TRAPPC9: variants seen among roughly 807,000 people sequenced by gnomAD.
The protein encoded by TRAPPC9 is IKK2 binding protein.
Under a neutral mutation model 124.0 loss-of-function variants are expected in TRAPPC9, and 83 were observed. The ratio of observed to expected loss-of-function variants is 0.67; its 90% CI spans 0.56 to 0.80. TRAPPC9 has a LOEUF of 0.80. Ranked by LOEUF, TRAPPC9 falls within the 30% of genes least tolerant of loss-of-function variation. The pLI is 0.00. For missense variants in TRAPPC9, 1,302 were observed against 1,508.3 expected (o/e 0.86, Z 2.27); for synonymous variants, 638 against 617.5 (o/e 1.03, Z -0.49).
intron 17 of TRAPPC9, among the ~76,000 whole-genome samples, chr8:140,124,508 A>C (rs900835344): frequency 3.3e-5 from 5 of 152,240 alleles, no homozygotes; most frequent in Non-Finnish European, 7.3e-5. Context: ...ACGTCAGGTC[A>C]CATGTACACA....
At chr8:140,260,545 T>C (rs1022014017) in intron 15 of TRAPPC9, among the ~76,000 whole-genome samples, 3 of 152,168 alleles carry the variant, frequency 2.0e-5, no homozygotes, top group African/African-American at 7.2e-5. Flanking sequence ...AAACCACTAG[T>C]GCAAACTAAT....
At chr8:140,141,801 C>T (rs900910695) in intron 17 of TRAPPC9, among the ~76,000 whole-genome samples, 1 of 152,208 alleles carries the variant, frequency 6.6e-6, no homozygotes, top group Non-Finnish European at 1.5e-5. Flanking sequence ...GCAGTGGCTA[C>T]CTAGCTACCT....
chr8:140,322,772 G>A (rs2066629584), intron 9 of TRAPPC9, among the ~76,000 whole-genome samples: 1 of 152,144 alleles, frequency 6.6e-6, no homozygotes, highest in African/African-American at 2.4e-5. Flanking sequence ...GGAGTTCAAG[G>A]CTGCAGTGAG....
chr8:139,869,024 G>A (rs1828727822), intron 21 of TRAPPC9, among the ~76,000 whole-genome samples: 1 of 152,116 alleles, frequency 6.6e-6, no homozygotes, highest in Non-Finnish European at 1.5e-5. Context: ...CCAAGAAAAA[G>A]CAGATCACAA....
chr8:140,018,662 C>T (rs1587505644), intron 18 of TRAPPC9, among the ~76,000 whole-genome samples: 1 of 152,096 alleles, frequency 6.6e-6, no homozygotes, highest in East Asian at 1.9e-4. Flanking sequence ...TGGCATCCTG[C>T]AATCTTGCTA....
intron 13 of TRAPPC9, among the ~76,000 whole-genome samples, chr8:140,286,365 G>A (rs772257359): frequency 3.1e-4 from 47 of 152,214 alleles, no homozygotes; most frequent in Non-Finnish European, 4.0e-4. Context: ...GAGGCTCCCA[G>A]TTGAGAGATG....
chr8:140,012,106 G>A (rs930402062), intron 18 of TRAPPC9, among the ~76,000 whole-genome samples: 14 of 152,178 alleles, frequency 9.2e-5, no homozygotes, highest in African/African-American at 1.2e-4. Flanking sequence ...CACCGCGCCC[G>A]GCCAGGCATA....
At chr8:139,747,108 T>A (rs1586751347) in intron 21 of TRAPPC9, among the ~76,000 whole-genome samples, 1 of 152,164 alleles carries the variant, frequency 6.6e-6, no homozygotes, top group Non-Finnish European at 1.5e-5. Flanking sequence ...CCAAGCAATG[T>A]CTCTACCTTT....
At chr8:140,306,345 T>C (rs2066134270) in intron 10 of TRAPPC9, among the ~76,000 whole-genome samples, 1 of 151,728 alleles carries the variant, frequency 6.6e-6, no homozygotes, top group South Asian at 2.1e-4. Context: ...AATACAAAAA[T>C]TAGCCAGGCA....
chr8:140,451,991 C>T (rs972439083), intron 1 of TRAPPC9, among the ~76,000 whole-genome samples: 2 of 151,676 alleles, frequency 1.3e-5, no homozygotes, highest in Admixed American at 6.6e-5. Context: ...TGTGGTGGCA[C>T]GTGCCTGTAA....
At chr8:139,966,195 A>G (rs1835696035) in intron 19 of TRAPPC9, among the ~76,000 whole-genome samples, 1 of 152,164 alleles carries the variant, frequency 6.6e-6, no homozygotes, top group African/African-American at 2.4e-5. Context: ...GGAGGTGGAG[A>G]TGGGGCACAG....
At chr8:140,290,932 C>A (rs2065635663) in intron 12 of TRAPPC9, 61 bp downstream of exon 12, 2 of 1,368,904 alleles carry the variant, frequency 1.5e-6, no homozygotes, top group Non-Finnish European at 2.1e-6. Context: ...TTAAGTAAAA[C>A]CTACTTTAAT....
At chr8:140,342,614 G>A (rs1214351340) in intron 9 of TRAPPC9, among the ~76,000 whole-genome samples, 1 of 152,054 alleles carries the variant, frequency 6.6e-6, no homozygotes, top group Non-Finnish European at 1.5e-5. Context: ...CTCCCACTGG[G>A]ATTCCTTGTA....
intron 14 of TRAPPC9, 150 bp downstream of exon 14, chr8:140,283,739 C>A (rs370964429): frequency 1.3e-6 from 1 of 799,156 alleles, no homozygotes; most frequent in East Asian, 2.5e-5. Flanking sequence ...TTAAGCAAAG[C>A]GTATTGATGT....
chr8:140,017,368 G>C (rs1563692221), intron 18 of TRAPPC9, among the ~76,000 whole-genome samples: 3 of 152,118 alleles, frequency 2.0e-5, no homozygotes, highest in Non-Finnish European at 4.4e-5. Context: ...TTACTTTTAG[G>C]CCTAAAATTC....
At chr8:140,354,582 T>A (rs1380762755) in intron 9 of TRAPPC9, among the ~76,000 whole-genome samples, 1 of 152,144 alleles carries the variant, frequency 6.6e-6, no homozygotes, top group Non-Finnish European at 1.5e-5. Context: ...ACATCACCAG[T>A]CCAGCTTCAC....
At chr8:140,011,289 C>A (rs773709396) in intron 18 of TRAPPC9, among the ~76,000 whole-genome samples, 1 of 151,336 alleles carries the variant, frequency 6.6e-6, no homozygotes, top group Non-Finnish European at 1.5e-5. Flanking sequence ...TTGCAGTGAG[C>A]CAAGATTGTA....
At chr8:140,316,519 G>A (rs1021404694) in intron 9 of TRAPPC9, among the ~76,000 whole-genome samples, 5 of 152,088 alleles carry the variant, frequency 3.3e-5, no homozygotes, top group Non-Finnish European at 5.9e-5. Context: ...TGATAATATG[G>A]TTTTGGTTCT....
At chr8:139,921,865 C>T (rs995170080) in intron 19 of TRAPPC9, among the ~76,000 whole-genome samples, 10 of 151,214 alleles carry the variant, frequency 6.6e-5, no homozygotes, top group East Asian at 2.0e-4. Context: ...CTCCCCGCCG[C>T]GTCTGGGAGT....
Sources: allele counts gnomAD v4.1 joint callset (sites outside exome capture counted in the v4.1 genomes callset), GRCh38; gene constraint gnomAD v4.1.1; transcripts MANE v1.5; gene names NCBI Gene and HGNC (gene_info 2026-07-23, HGNC 2026-07-21).